The following TRIM71 variants were observed in gnomAD, a reference collection of about 807,000 sequenced individuals.
TRIM71 encodes the protein E3 ubiquitin-protein ligase TRIM71.
In TRIM71, 9 loss-of-function variants were observed where a neutral mutation model predicts 61.2. The observed-to-expected ratio is 0.15, with a 90% CI of 0.09 to 0.26. TRIM71 has a LOEUF of 0.26. TRIM71 is among the 10% of genes least tolerant of loss of function. The probability of loss-of-function intolerance (pLI) is 1.00; values close to 1 mark genes in which losing one functional copy is unlikely to be tolerated. For synonymous variants in TRIM71, 645 were observed against 553.2 expected (o/e 1.17, Z -2.33); for missense variants, 998 against 1,238.7 (o/e 0.81, Z 2.92).
At chr3:32,846,072 CTTTTTTTT>C (rs35520432) in intron 1 of TRIM71, among the ~76,000 whole-genome samples, 1 of 92,762 alleles carries the variant, frequency 1.1e-5, no homozygotes, top group African/African-American at 4.2e-5. Context: ...TGGTAAGCCA[CTTTTTTTT>C]TTTTTTTTTT....
chr3:32,877,477 T>C (rs1359023178), intron 2 of TRIM71, among the ~76,000 whole-genome samples: 1 of 151,962 alleles, frequency 6.6e-6, no homozygotes, highest in Non-Finnish European at 1.5e-5. Flanking sequence ...TTCTTTGGCC[T>C]CCCACGTAGC....
At chr3:32,830,268 T>A (rs1559537841) in intron 1 of TRIM71, among the ~76,000 whole-genome samples, 1 of 152,130 alleles carries the variant, frequency 6.6e-6, no homozygotes, top group Non-Finnish European at 1.5e-5. Context: ...GCTTTGACCT[T>A]TTCTAAGTCA....
chr3:32,847,283 G>A (rs1279185360), intron 1 of TRIM71, among the ~76,000 whole-genome samples: 3 of 146,192 alleles, frequency 2.1e-5, no homozygotes, highest in African/African-American at 5.1e-5. Flanking sequence ...CGCAACCTCC[G>A]CGTCCCGGGT....
intron 1 of TRIM71, among the ~76,000 whole-genome samples, chr3:32,845,536 T>C (rs1237536701): frequency 1.3e-5 from 2 of 152,156 alleles, no homozygotes; most frequent in African/African-American, 2.4e-5. Flanking sequence ...CTCTGGGGGT[T>C]ACTCACAGGT....
chr3:32,885,459 C>A (rs1324004059), intron 2 of TRIM71, among the ~76,000 whole-genome samples: 2 of 152,062 alleles, frequency 1.3e-5, no homozygotes, highest in African/African-American at 4.8e-5. Flanking sequence ...GTTGCCAGTG[C>A]CTTGACAAAA....
chr3:32,878,375 C>G (rs923189326), intron 2 of TRIM71, among the ~76,000 whole-genome samples: 1 of 152,104 alleles, frequency 6.6e-6, no homozygotes, highest in African/African-American at 2.4e-5. Context: ...TTTGGGAGCC[C>G]GAGGCGGGTG....
chr3:32,877,464 CCT>C (rs1272914937), intron 2 of TRIM71, among the ~76,000 whole-genome samples: 1 of 151,874 alleles, frequency 6.6e-6, no homozygotes, highest in Non-Finnish European at 1.5e-5. Flanking sequence ...CAATCCATCC[CCT>C]TTCTTTGGCC....
chr3:32,825,048 G>C (rs1696185539), intron 1 of TRIM71, among the ~76,000 whole-genome samples: 1 of 152,122 alleles, frequency 6.6e-6, no homozygotes, highest in South Asian at 2.1e-4. Flanking sequence ...TGCCTAACTC[G>C]ACCTCCCAAA....
chr3:32,835,438 G>C (rs1696323821), intron 1 of TRIM71, among the ~76,000 whole-genome samples: 1 of 152,302 alleles, frequency 6.6e-6, no homozygotes, highest in African/African-American at 2.4e-5. Flanking sequence ...ATCAATGAAT[G>C]CTTAATCAAA....
intron 1 of TRIM71, among the ~76,000 whole-genome samples, chr3:32,844,937 T>C (rs1575346796): frequency 6.6e-6 from 1 of 152,234 alleles, no homozygotes; most frequent in East Asian, 1.9e-4. Context: ...GACAAGGTAA[T>C]GAAGACTGAG....
At chr3:32,825,290 A>G (rs1383397121) in intron 1 of TRIM71, among the ~76,000 whole-genome samples, 2 of 152,222 alleles carry the variant, frequency 1.3e-5, no homozygotes, top group Non-Finnish European at 2.9e-5. Context: ...GAAGCTGTCA[A>G]TGAAGTTAAA....
At chr3:32,881,691 T>G (rs988942903) in intron 2 of TRIM71, among the ~76,000 whole-genome samples, 1 of 152,226 alleles carries the variant, frequency 6.6e-6, no homozygotes, top group Non-Finnish European at 1.5e-5. Flanking sequence ...GTGAAATGTA[T>G]ATATCTGTTT....
At chr3:32,835,633 T>A (rs1696326693) in intron 1 of TRIM71, among the ~76,000 whole-genome samples, 1 of 152,232 alleles carries the variant, frequency 6.6e-6, no homozygotes, top group Non-Finnish European at 1.5e-5. Context: ...TAATATTTGA[T>A]GTTTTTCATT....
At chr3:32,876,850 A>G (rs1696857154) in intron 2 of TRIM71, among the ~76,000 whole-genome samples, 1 of 152,174 alleles carries the variant, frequency 6.6e-6, no homozygotes, top group Non-Finnish European at 1.5e-5. Flanking sequence ...AGAAATGGAA[A>G]TTCACTGGAA....
At chr3:32,830,978 TTG>T (rs1696264580) in intron 1 of TRIM71, among the ~76,000 whole-genome samples, 1 of 151,776 alleles carries the variant, frequency 6.6e-6, no homozygotes, top group Non-Finnish European at 1.5e-5. Context: ...GCCTAGCTAA[TTG>T]TGATATTTTT....
intron 1 of TRIM71, among the ~76,000 whole-genome samples, chr3:32,847,850 T>C (rs757716036): frequency 1.1e-4 from 17 of 152,224 alleles, no homozygotes; most frequent in Non-Finnish European, 1.9e-4. Flanking sequence ...TTTATATATT[T>C]ATGGGCTCAA....
chr3:32,862,607 C>T (rs1393722389), intron 1 of TRIM71, among the ~76,000 whole-genome samples: 1 of 152,214 alleles, frequency 6.6e-6, no homozygotes, highest in Non-Finnish European at 1.5e-5. Context: ...TAAAACCTTG[C>T]CTTGCTTTTG....
At position 32,830,844 on chromosome 3, in the gene TRIM71, T is replaced by C. The variant is rs149854127; in HGVS notation, c.852+11912T>C. Among the ~76,000 whole-genome samples, 764 of 152,304 alleles carry C rather than the reference T, an allele frequency of 5.0e-3. 5 individuals are homozygous for C. Among genetic ancestry groups the C allele is most frequent in the African/African-American group, 0.016 (675 of 41,564 alleles). On this transcript the variant is annotated intron_variant, in intron 1 of 3. Coordinates refer to ENST00000383763, the MANE Select transcript of TRIM71 (RefSeq NM_001039111.3). ...TTTATTTGTTTTGATGTTTGTTTGT[T>C]TTTTTGCTGGAACTGGAGTGCAGTG...
chr3:32,842,461 T>A (rs1339086588), intron 1 of TRIM71, among the ~76,000 whole-genome samples: 2 of 152,196 alleles, frequency 1.3e-5, no homozygotes, highest in African/African-American at 2.4e-5. Flanking sequence ...ATAGACAGGT[T>A]TTGATCCAAG....
Sources: allele counts gnomAD v4.1 joint callset (sites outside exome capture counted in the v4.1 genomes callset), GRCh38; gene constraint gnomAD v4.1.1; transcripts MANE v1.5; gene names NCBI Gene and HGNC (gene_info 2026-07-23, HGNC 2026-07-21).